GLDC: variants seen among roughly 807,000 people sequenced by gnomAD.
GLDC encodes the protein glycine decarboxylase.
In GLDC, 104 loss-of-function variants were observed where a neutral mutation model predicts 121.3. The observed-to-expected ratio is 0.86, with a 90% CI of 0.73 to 1.01. The LOEUF is 1.01. Ranked by LOEUF, GLDC falls within the 50% of genes least tolerant of loss-of-function variation. The pLI is 0.00. For missense variants in GLDC, 1,429 were observed against 1,306.6 expected (o/e 1.09, Z -1.44); for synonymous variants, 546 against 480.6 (o/e 1.14, Z -1.78).
chr9:6,558,522 C>G, intron 17 of GLDC, 37 bp downstream of exon 17: 1 of 1,612,668 alleles, frequency 6.2e-7, no homozygotes, highest in Non-Finnish European at 8.5e-7. Flanking sequence ...CACTCCCCAT[C>G]CCGGCCTCTC....
At chr9:6,537,829 G>C (rs150367105) in intron 22 of GLDC, among the ~76,000 whole-genome samples, 1 of 151,772 alleles carries the variant, frequency 6.6e-6, no homozygotes, top group Admixed American at 6.6e-5. Context: ...GACTGTAGGT[G>C]AGCACCCATA....
intron 14 of GLDC, 110 bp from the exon 15 acceptor site, chr9:6,587,393 C>G: frequency 2.5e-6 from 2 of 813,242 alleles, no homozygotes; most frequent in Non-Finnish European, 4.2e-6. Flanking sequence ...AGGCACTGTT[C>G]TAAGCGCTAT....
chr9:6,629,831 G>T (rs185760411), intron 2 of GLDC, among the ~76,000 whole-genome samples: 14 of 149,682 alleles, frequency 9.4e-5, no homozygotes, highest in Admixed American at 4.0e-4. Context: ...AATTATATGT[G>T]CATCTGTTTA....
intron 2 of GLDC, 144 bp downstream of exon 2, chr9:6,644,470 C>G: frequency 1.4e-6 from 1 of 694,320 alleles, no homozygotes; most frequent in East Asian, 2.7e-5. Flanking sequence ...CCCGCGGCTC[C>G]GGAGGTACCC....
intron 22 of GLDC, among the ~76,000 whole-genome samples, chr9:6,537,066 T>C: frequency 6.6e-6 from 1 of 151,266 alleles, no homozygotes; most frequent in Admixed American, 6.6e-5. Flanking sequence ...GGTCTTGCTG[T>C]ATCGCTCAGG....
At chr9:6,545,677 G>T (rs1817372782) in intron 21 of GLDC, among the ~76,000 whole-genome samples, 1 of 152,286 alleles carries the variant, frequency 6.6e-6, no homozygotes, top group Non-Finnish European at 1.5e-5. Flanking sequence ...GTCTCAATCT[G>T]TTGCCCAGGC....
At chr9:6,558,518 C>T in intron 17 of GLDC, 41 bp downstream of exon 17, 3 of 1,611,412 alleles carry the variant, frequency 1.9e-6, no homozygotes, top group Non-Finnish European at 1.7e-6. Context: ...CCAGCACTCC[C>T]CATCCCGGCC....
intron 22 of GLDC, 74 bp from the exon 23 acceptor site, chr9:6,536,310 C>G: frequency 8.2e-7 from 1 of 1,223,154 alleles, no homozygotes; most frequent in Non-Finnish European, 1.2e-6. Flanking sequence ...AAGTTCGTAT[C>G]CCTTCTTATA....
Position 6,565,429 on chromosome 9 carries a change from G to T in GLDC, c.1851C>A (p.Ser617Arg), listed in dbSNP as rs777724341. 1 of 1,611,592 alleles carries T rather than the reference G, an allele frequency of 6.2e-7. No individual in the cohort carries two copies. Among genetic ancestry groups the T allele is most frequent in the Non-Finnish European group, 8.5e-7 (1 of 1,177,676 alleles). The change falls in exon 16 of 25, where the codon AGC becomes AGA. Residue 617 changes from serine (S) to arginine (R), a missense_variant and splice_region_variant. Ser to Arg is a moderately radical substitution (Grantham distance 110). Transcript: ENST00000321612. ...GTCCAGCATATTCTCCCTGGGCTCC[G>T]CTTGCAAAGACAAGAAGAAAGGGAT... is the stretch of plus-strand genomic sequence containing the variant. ...GYDQVCFQPN[S>R]GAQGEYAGLA...
intron 8 of GLDC, among the ~76,000 whole-genome samples, chr9:6,601,638 A>G (rs1176420238): frequency 6.6e-6 from 1 of 152,026 alleles, no homozygotes; most frequent in Non-Finnish European, 1.5e-5. Context: ...TGGGGGCAGG[A>G]GTTGGGGACA....
chr9:6,555,243 G>C (rs1029238907), intron 18 of GLDC, among the ~76,000 whole-genome samples: 5 of 152,152 alleles, frequency 3.3e-5, no homozygotes, highest in African/African-American at 1.2e-4. Context: ...GGCTGCGGGG[G>C]CACCAGGGAG....
intron 21 of GLDC, among the ~76,000 whole-genome samples, chr9:6,543,113 A>G (rs1374641141): frequency 6.6e-6 from 1 of 151,966 alleles, no homozygotes; most frequent in African/African-American, 2.4e-5. Context: ...CCTATCCTAC[A>G]AAATATTTAA....
intron 6 of GLDC, 159 bp from the exon 7 acceptor site, chr9:6,604,943 G>T: frequency 1.1e-6 from 1 of 871,022 alleles, no homozygotes; most frequent in Non-Finnish European, 1.9e-6. Flanking sequence ...CATACTGAGT[G>T]CCCACCATGT....
chr9:6,635,896 A>G (rs1819491225), intron 2 of GLDC, among the ~76,000 whole-genome samples: 1 of 152,102 alleles, frequency 6.6e-6, no homozygotes, highest in South Asian at 2.1e-4. Context: ...ATAAAATAAA[A>G]TAAAAATAAA....
chr9:6,629,329 C>G (rs1244034682), intron 2 of GLDC, among the ~76,000 whole-genome samples: 1 of 151,688 alleles, frequency 6.6e-6, no homozygotes, highest in Non-Finnish European at 1.5e-5. Context: ...ATTCTCCTGC[C>G]TCAGCCTCCC....
chr9:6,596,190 C>T (rs552608423), intron 8 of GLDC, among the ~76,000 whole-genome samples: 46 of 152,274 alleles, frequency 3.0e-4, no homozygotes, highest in African/African-American at 1.1e-3. Flanking sequence ...AAACAGAAAC[C>T]CAGGCCTGAC....
intron 17 of GLDC, chr9:6,557,815 A>G (rs530424999): frequency 6.5e-6 from 1 of 153,328 alleles, no homozygotes; most frequent in South Asian, 2.1e-4. Context: ...GTCCTATATT[A>G]CTATAATGGA....
chr9:6,532,806 A>G lies in GLDC; in HGVS notation c.*211T>C. On this transcript the variant is annotated 3_prime_UTR_variant, in exon 25 of 25. Coordinates refer to ENST00000321612, the MANE Select transcript of GLDC (RefSeq NM_000170.3). ...CAATCCAGGCAACTGGCACATGTGGAAGCAGAATACCAAAGCAAATCCGTC... is the reference window on the plus strand; with the variant it reads ...CAATCCAGGCAACTGGCACATGTGGGAGCAGAATACCAAAGCAAATCCGTC... 1.8e-6 allele frequency: 1 copy of G among 568,886 alleles called. No individual in the cohort carries two copies. 35.2% of individuals were successfully genotyped at this position (568,886 alleles called of 1,614,324 possible).
intron 16 of GLDC, among the ~76,000 whole-genome samples, chr9:6,561,605 T>C (rs544698786): frequency 2.0e-5 from 3 of 152,260 alleles, no homozygotes; most frequent in African/African-American, 7.2e-5. Context: ...GCCAAGATCA[T>C]GCCATTGCAC....
Sources: gnomAD v4.1 joint callset for allele counts (sites outside exome capture counted in the v4.1 genomes callset) on GRCh38, gnomAD v4.1.1 for gene constraint, MANE v1.5 for transcripts, NCBI Gene and HGNC (gene_info 2026-07-23, HGNC 2026-07-21) for gene names.